Variants in LRBA observed in about 807,000 individuals in gnomAD.
LRBA encodes the protein LPS responsive beige-like anchor protein.
Under a neutral mutation model 330.0 loss-of-function variants are expected in LRBA, and 176 were observed. The ratio of observed to expected loss-of-function variants is 0.53; its 90% CI spans 0.47 to 0.60. The LOEUF is 0.60. Ranked by LOEUF, LRBA falls within the 20% of genes least tolerant of loss-of-function variation. LRBA has a pLI of 0.00. For synonymous variants in LRBA, 1,230 were observed against 1,193.0 expected (o/e 1.03, Z -0.64); for missense variants, 3,259 against 3,444.8 (o/e 0.95, Z 1.35).
intron 43 of LRBA, among the ~76,000 whole-genome samples, chr4:150,471,139 A>G (rs1561224040): frequency 6.6e-6 from 1 of 152,196 alleles, no homozygotes; most frequent in Non-Finnish European, 1.5e-5. Flanking sequence ...TATACAGTAT[A>G]TACATAGATA....
At chr4:150,663,230 T>G (rs1026078550) in intron 37 of LRBA, among the ~76,000 whole-genome samples, 2 of 152,120 alleles carry the variant, frequency 1.3e-5, no homozygotes, top group Admixed American at 1.3e-4. Context: ...AACTACCGTT[T>G]CAGAGAATAA....
chr4:150,802,190 A>C lies in LRBA; in HGVS notation c.5519-4048T>G, dbSNP rs542511854. Among the ~76,000 whole-genome samples the C allele has an allele frequency of 4.1e-3, 597 of 144,794 alleles. 1 individual carries two copies. Among genetic ancestry groups the C allele is most frequent in the Non-Finnish European group, 6.8e-3 (452 of 66,082 alleles). The allele number at this position is 144,794 out of a possible 152,430, so 95.0% of individuals were successfully genotyped here. A position where few individuals can be genotyped will look rare whatever the true frequency, so the allele number is the denominator to read the frequency against. On this transcript the variant is annotated intron_variant, in intron 33 of 56. Coordinates refer to ENST00000651943, the MANE Select transcript of LRBA (RefSeq NM_001364905.1). ...AGCCATGATCACACCATTGCACTCC[A>C]GTCTGGGTGTAGGAGTGAGACTCAG... is the stretch of plus-strand genomic sequence containing the variant.
intron 36 of LRBA, among the ~76,000 whole-genome samples, chr4:150,732,722 C>T (rs1730628371): frequency 6.6e-6 from 1 of 151,956 alleles, no homozygotes; most frequent in Non-Finnish European, 1.5e-5. Context: ...ATCTTTCCTC[C>T]ACTTAATGTT....
intron 33 of LRBA, among the ~76,000 whole-genome samples, chr4:150,803,028 A>C (rs1489182250): frequency 1.3e-5 from 2 of 148,156 alleles, no homozygotes; most frequent in Non-Finnish European, 3.0e-5. Context: ...TCTCCAAAAA[A>C]AAAAAAAAAA....
At chr4:150,807,911 A>G (rs1037396898) in intron 32 of LRBA, among the ~76,000 whole-genome samples, 5 of 152,116 alleles carry the variant, frequency 3.3e-5, no homozygotes, top group Non-Finnish European at 7.4e-5. Context: ...CAGCCTCTCA[A>G]AGTGCTGGGA....
intron 28 of LRBA, among the ~76,000 whole-genome samples, chr4:150,834,445 C>T (rs1219803231): frequency 6.6e-6 from 1 of 152,150 alleles, no homozygotes; most frequent in African/African-American, 2.4e-5. Context: ...TAACATGAAT[C>T]TCCTTGTATA....
At chr4:150,707,119 C>A (rs945380368) in intron 36 of LRBA, among the ~76,000 whole-genome samples, 3 of 151,142 alleles carry the variant, frequency 2.0e-5, no homozygotes, top group Non-Finnish European at 4.4e-5. Context: ...ATAAAGAAAC[C>A]CTGAAAAATT....
chr4:150,917,190 T>C (rs1457150913), intron 5 of LRBA, among the ~76,000 whole-genome samples: 1 of 151,858 alleles, frequency 6.6e-6, no homozygotes, highest in African/African-American at 2.4e-5. Flanking sequence ...AGAAGACTCT[T>C]TATCTGGAAG....
At chr4:150,764,886 C>T (rs1244316656) in intron 34 of LRBA, among the ~76,000 whole-genome samples, 1 of 152,068 alleles carries the variant, frequency 6.6e-6, no homozygotes, top group East Asian at 1.9e-4. Context: ...TAAGCCTACT[C>T]TTACCACAAG....
chr4:150,329,706 G>C (rs544032026), intron 48 of LRBA, among the ~76,000 whole-genome samples: 2 of 152,248 alleles, frequency 1.3e-5, no homozygotes, highest in South Asian at 4.1e-4. Flanking sequence ...TGGCCATCTT[G>C]TGTGTAAGCA....
intron 20 of LRBA, among the ~76,000 whole-genome samples, chr4:150,869,932 C>T (rs1316622774): frequency 2.0e-5 from 3 of 152,054 alleles, no homozygotes; most frequent in East Asian, 1.9e-4. Flanking sequence ...CTCAAAGCCA[C>T]GTGCTTTGAA....
At chr4:150,973,642 G>A (rs1739832173) in intron 2 of LRBA, among the ~76,000 whole-genome samples, 1 of 152,174 alleles carries the variant, frequency 6.6e-6, no homozygotes, top group Admixed American at 6.5e-5. Context: ...ATAAAAGGAT[G>A]TCTAAATAAA....
intron 2 of LRBA, among the ~76,000 whole-genome samples, chr4:151,007,905 C>CA (rs1248976697): frequency 1.3e-5 from 2 of 150,384 alleles, no homozygotes; most frequent in African/African-American, 4.9e-5. Context: ...CCTTATCTCA[C>CA]ACCATACAAA....
At chr4:150,758,740 A>G (rs1734669849) in intron 35 of LRBA, among the ~76,000 whole-genome samples, 1 of 151,232 alleles carries the variant, frequency 6.6e-6, no homozygotes, top group Admixed American at 6.6e-5. Flanking sequence ...TACCCAACTA[A>G]TTCTTTTTAT....
intron 34 of LRBA, among the ~76,000 whole-genome samples, chr4:150,782,867 T>C (rs571943219): frequency 2.0e-5 from 3 of 151,980 alleles, no homozygotes; most frequent in Admixed American, 1.3e-4. Flanking sequence ...ATTCAAAATA[T>C]GCAAAGGAAA....
At chr4:150,366,825 G>A (rs779000641) in intron 47 of LRBA, among the ~76,000 whole-genome samples, 32 of 152,290 alleles carry the variant, frequency 2.1e-4, no homozygotes, top group Non-Finnish European at 3.8e-4. Flanking sequence ...TGGTCCTCCA[G>A]TAGAAAAAGG....
At chr4:150,802,894 T>C (rs986264391) in intron 33 of LRBA, among the ~76,000 whole-genome samples, 4 of 151,416 alleles carry the variant, frequency 2.6e-5, no homozygotes, top group African/African-American at 9.7e-5. Context: ...TGGTGGCACA[T>C]GCCTGTAGTC....
chr4:150,807,469 G>A (rs765908493), intron 32 of LRBA, among the ~76,000 whole-genome samples: 6 of 152,096 alleles, frequency 3.9e-5, no homozygotes, highest in Non-Finnish European at 7.4e-5. Context: ...GAAAATCAAG[G>A]ACTCTCTGGA....
At chr4:150,589,563 C>A (rs77527228) in intron 39 of LRBA, among the ~76,000 whole-genome samples, 4 of 152,138 alleles carry the variant, frequency 2.6e-5, no homozygotes, top group Non-Finnish European at 4.4e-5. Flanking sequence ...AACATTTTTT[C>A]AATCACTCTC....
Sources: allele counts gnomAD v4.1 joint callset (sites outside exome capture counted in the v4.1 genomes callset), GRCh38; gene constraint gnomAD v4.1.1; transcripts MANE v1.5; gene names NCBI Gene and HGNC (gene_info 2026-07-23, HGNC 2026-07-21).